Variants in FRMD5 observed in about 807,000 individuals in gnomAD.
FRMD5 encodes the protein FERM domain-containing protein 5.
Under a neutral mutation model 69.0 loss-of-function variants are expected in FRMD5, and 20 were observed. The ratio of observed to expected loss-of-function variants is 0.29; its 90% CI spans 0.20 to 0.42. The LOEUF (loss-of-function observed/expected upper bound fraction) is 0.42, where lower values mean the gene tolerates loss of function less well. Among genes scored for constraint, FRMD5 ranks in the 10% least tolerant of loss-of-function variants. The pLI is 1.00. For missense variants in FRMD5, 595 were observed against 708.6 expected, an observed-to-expected ratio of 0.84 and a Z score of 1.82; for synonymous variants, 271 against 260.1, an observed-to-expected ratio of 1.04 and a Z score of -0.40.
chr15:43,989,470 T>C, intron 1 of FRMD5: 2 of 820,136 alleles, frequency 2.4e-6, no homozygotes, highest in East Asian at 2.4e-5. Flanking sequence ...AGCTTGTAGC[T>C]ATCTCCAGGG....
chr15:43,989,860 A>G, intron 1 of FRMD5: 1 of 1,024,270 alleles, frequency 9.8e-7, no homozygotes, highest in Non-Finnish European at 1.5e-6. Flanking sequence ...GCTCAGGGGG[A>G]CCTTGGTCAG....
At chr15:44,039,069 C>G (rs996884311) in intron 1 of FRMD5, among the ~76,000 whole-genome samples, 4 of 152,296 alleles carry the variant, frequency 2.6e-5, no homozygotes, top group South Asian at 2.1e-4. Context: ...CAAAGCCTCT[C>G]GTAAGTCTGA....
intron 1 of FRMD5, among the ~76,000 whole-genome samples, chr15:43,977,728 T>C (rs1055938487): frequency 6.6e-6 from 1 of 152,214 alleles, no homozygotes; most frequent in African/African-American, 2.4e-5. Flanking sequence ...ATATTCCTTC[T>C]TTTACCAATC....
chr15:44,062,534 T>C (rs561006613), intron 1 of FRMD5, among the ~76,000 whole-genome samples: 14 of 151,698 alleles, frequency 9.2e-5, no homozygotes, highest in Non-Finnish European at 2.1e-4. Flanking sequence ...CTACTAAAAA[T>C]ACAAAAATTA....
intron 1 of FRMD5, among the ~76,000 whole-genome samples, chr15:44,146,958 A>G (rs2077366253): frequency 6.6e-6 from 1 of 152,138 alleles, no homozygotes; most frequent in African/African-American, 2.4e-5. Flanking sequence ...TCTGATGGAT[A>G]GTTTCTTTTG....
intron 1 of FRMD5, among the ~76,000 whole-genome samples, chr15:44,178,473 C>T (rs1001511521): frequency 7.2e-5 from 11 of 152,094 alleles, no homozygotes; most frequent in African/African-American, 2.7e-4. Flanking sequence ...CTAAGAGGAG[C>T]ATGCCTCCTA....
At chr15:44,008,625 G>A (rs1014873859) in intron 1 of FRMD5, among the ~76,000 whole-genome samples, 18 of 152,072 alleles carry the variant, frequency 1.2e-4, no homozygotes, top group African/African-American at 4.3e-4. Flanking sequence ...TTGTGTAAAT[G>A]TATTTTCATT....
chr15:43,876,743 G>A (rs1163027645), intron 13 of FRMD5, among the ~76,000 whole-genome samples: 2 of 152,166 alleles, frequency 1.3e-5, no homozygotes, highest in Non-Finnish European at 2.9e-5. Context: ...CTCTTCTTGA[G>A]GGGGCATGGG....
At chr15:44,084,227 CTA>C (rs1318317380) in intron 1 of FRMD5, among the ~76,000 whole-genome samples, 4 of 151,920 alleles carry the variant, frequency 2.6e-5, no homozygotes, top group African/African-American at 9.7e-5. Context: ...GATAACACAC[CTA>C]TCTTTACATT....
chr15:44,184,246 G>C (rs1419965824), intron 1 of FRMD5, among the ~76,000 whole-genome samples: 1 of 152,112 alleles, frequency 6.6e-6, no homozygotes, highest in Non-Finnish European at 1.5e-5. Context: ...CAGACCTGAA[G>C]ACATAGTAGA....
chr15:43,967,562 A>G (rs1046893889), intron 1 of FRMD5, among the ~76,000 whole-genome samples: 1 of 152,170 alleles, frequency 6.6e-6, no homozygotes, highest in Non-Finnish European at 1.5e-5. Context: ...ATTTATCTGC[A>G]TAACATCCTA....
chr15:44,186,226 C>A (rs1160188045), intron 1 of FRMD5, among the ~76,000 whole-genome samples: 1 of 152,202 alleles, frequency 6.6e-6, no homozygotes, highest in Admixed American at 6.5e-5. Flanking sequence ...CGCACCCGGC[C>A]TTTCTTGTGT....
chr15:44,064,203 G>A (rs940620120), intron 1 of FRMD5: 10 of 187,028 alleles, frequency 5.3e-5, no homozygotes, highest in African/African-American at 2.2e-4. Context: ...TCACTGGCAT[G>A]ATCTTCCATG....
chr15:44,105,476 G>C (rs1009231300), intron 1 of FRMD5, among the ~76,000 whole-genome samples: 2 of 152,170 alleles, frequency 1.3e-5, no homozygotes, highest in Admixed American at 1.3e-4. Context: ...CTAACTTACT[G>C]ATCTTGAACT....
At chr15:44,062,689 CAA>C (rs35998128) in intron 1 of FRMD5, among the ~76,000 whole-genome samples, 50 of 118,080 alleles carry the variant, frequency 4.2e-4, no homozygotes, top group East Asian at 1.9e-3. Flanking sequence ...GACTCTGTCT[CAA>C]AAAAAAAAAA....
intron 5 of FRMD5, 117 bp downstream of exon 5, chr15:43,909,765 C>G (rs760671399): frequency 2.8e-5 from 17 of 612,544 alleles, no homozygotes; most frequent in African/African-American, 5.5e-5. Flanking sequence ...CAAGCGTGAG[C>G]CACAGCACCT....
In FRMD5 at chr15:43,973,498, G is replaced by A. The variant is rs909094670; in HGVS notation, c.103-49189C>T. On this transcript the variant is annotated intron_variant, in intron 1 of 13. Coordinates refer to ENST00000417257, the MANE Select transcript of FRMD5 (RefSeq NM_032892.5). ...TTCTCCTGGTTCAGCCTCCTGAGTA[G>A]CTGGGATTACAGGTGCCCACCACCA... Among the ~76,000 whole-genome samples, 10 of 151,664 alleles carry A rather than the reference G, an allele frequency of 6.6e-5. No individual in the cohort carries two copies. In the South Asian group the frequency reaches 2.1e-3, roughly 32 times the overall value.
chr15:44,090,922 C>G (rs1160388622), intron 1 of FRMD5, among the ~76,000 whole-genome samples: 2 of 152,206 alleles, frequency 1.3e-5, no homozygotes, highest in East Asian at 3.9e-4. Context: ...TGCAAATACC[C>G]AATCTGAGAA....
In FRMD5 at chr15:44,195,032, C is replaced by T; in HGVS notation, c.23G>A (p.Gly8Asp). Reference sequence around the variant, plus strand: ...CTCGCGCTCCAGGCTCCTGCTGCTGCCGCTCATCAACCTGCTCAGCATCTT... The same window carrying T: ...CTCGCGCTCCAGGCTCCTGCTGCTGTCGCTCATCAACCTGCTCAGCATCTT... The part of the protein sequence containing the change: MLSRLMS[G>D]SSRSLEREYS... Residue 8 changes from glycine to aspartate, a missense_variant, in exon 1 of 14, where the codon GGC becomes GAC. Transcript: ENST00000417257. 1 of 1,553,072 alleles carries T rather than the reference C, an allele frequency of 6.4e-7. No homozygotes were observed. Among genetic ancestry groups the T allele is most frequent in the Non-Finnish European group, 8.7e-7 (1 of 1,154,482 alleles).
Sources: allele counts gnomAD v4.1 joint callset (sites outside exome capture counted in the v4.1 genomes callset), GRCh38; gene constraint gnomAD v4.1.1; transcripts MANE v1.5; gene names NCBI Gene and HGNC (gene_info 2026-07-23, HGNC 2026-07-21).